The following METTL22 variants were observed in gnomAD, a reference collection of about 807,000 sequenced individuals.
METTL22 encodes methyltransferase 22, Kin17 lysine.
A neutral mutation model predicts 48.4 loss-of-function variants in METTL22; 51 were observed. The ratio of observed to expected loss-of-function variants is 1.05; its 90% CI spans 0.84 to 1.33. The LOEUF is 1.33. Among genes scored for constraint, METTL22 ranks in the 40% most tolerant of loss-of-function variants. METTL22 has a pLI of 0.00. For missense variants in METTL22, 678 were observed against 526.9 expected (o/e 1.29, Z -2.81); for synonymous variants, 255 against 214.1 (o/e 1.19, Z -1.67).
chr16:8,634,846 C>T (rs976297802), intron 3 of METTL22, among the ~76,000 whole-genome samples, 193 bp from the exon 4 acceptor site: 3 of 152,206 alleles, frequency 2.0e-5, no homozygotes, highest in Non-Finnish European at 4.4e-5. Context: ...AAGCTCCCAT[C>T]CTCTGAGTGG....
chr16:8,649,823 AAAAC>A (rs1031319831), downstream of METTL22, among the ~76,000 whole-genome samples: 43 of 302 alleles, frequency 0.14, no homozygotes, highest in South Asian at 0.5. Flanking sequence ...TTAAAAAAAA[AAAAC>A]CATTAGTGAA....
chr16:8,636,327 G>A (rs1019715474), intron 5 of METTL22, among the ~76,000 whole-genome samples: 3 of 152,146 alleles, frequency 2.0e-5, no homozygotes, highest in African/African-American at 7.2e-5. Context: ...CTGAGGTCAG[G>A]AGTTTGAGAA....
intron 3 of METTL22, among the ~76,000 whole-genome samples, chr16:8,630,751 T>C (rs1345527029): frequency 6.6e-6 from 1 of 152,190 alleles, no homozygotes; most frequent in African/African-American, 2.4e-5. Flanking sequence ...GACCTCACGG[T>C]GAGGCCCCCT....
intron 3 of METTL22, among the ~76,000 whole-genome samples, chr16:8,630,716 G>T (rs1282797281): frequency 6.6e-6 from 1 of 152,116 alleles, no homozygotes; most frequent in Admixed American, 6.5e-5. Context: ...CCTGTGACCA[G>T]CTTCCCCTCC....
Position 8,646,185 on chromosome 16 carries a change from A to G in METTL22, c.*42A>G. 6 of 1,610,220 alleles carry G rather than the reference A, an allele frequency of 3.7e-6. No homozygotes were observed. Among genetic ancestry groups the G allele is most frequent in the Non-Finnish European group, 4.2e-6 (5 of 1,177,006 alleles). On this transcript the variant is annotated 3_prime_UTR_variant, in exon 11 of 11. Transcript: ENST00000381920. Reference sequence around the variant, plus strand: ...GGCGCGGCGTCTCGACTGTTCTTAGAGTGTATTTCTAGTAAAATCAGAAGC... The same window carrying G: ...GGCGCGGCGTCTCGACTGTTCTTAGGGTGTATTTCTAGTAAAATCAGAAGC...
At chr16:8,658,965 C>A in the METTL22 span, among the ~76,000 whole-genome samples, 11 of 152,178 alleles carry the variant, frequency 7.2e-5, no homozygotes, top group African/African-American at 2.6e-4. Flanking sequence ...TCTCAAACCA[C>A]CCACCCAGCC....
At position 8,646,157 on chromosome 16, in the gene METTL22, C is replaced by G; in HGVS notation, c.*14C>G. 6.2e-7 allele frequency: 1 copy of G among 1,614,034 alleles called. No homozygotes were observed. Among genetic ancestry groups the G allele is most frequent in the East Asian group, 2.2e-5 (1 of 44,882 alleles). On this transcript the variant is annotated 3_prime_UTR_variant, in exon 11 of 11. Coordinates refer to ENST00000381920, the MANE Select transcript of METTL22 (RefSeq NM_024109.4). ...CCAGTAACATGACCCATCGCCTCCA[C>G]AAGGCGCGGCGTCTCGACTGTTCTT...
the METTL22 span, among the ~76,000 whole-genome samples, chr16:8,658,530 GT>G: frequency 6.6e-6 from 1 of 152,180 alleles, no homozygotes; most frequent in Non-Finnish European, 1.5e-5. Context: ...CTGAAGCCCG[GT>G]TGCTCCTCGG....
chr16:8,663,225 A>AAAAAT, the METTL22 span, among the ~76,000 whole-genome samples: 68 of 123,432 alleles, frequency 5.5e-4, 10 homozygotes, highest in East Asian at 7.2e-4. Context: ...AAAAAAAAAA[A>AAAAAT]GGTAGCCAAG....
chr16:8,647,052 T>A lies in METTL22; in HGVS notation c.*909T>A, dbSNP rs1474460796. On this transcript the variant is annotated 3_prime_UTR_variant, in exon 11 of 11. Transcript: ENST00000381920. ...CCTGCCTTGCTGCTGCCGCACACTT[T>A]GCACCAGGGCCTTTCATGGCCCCTT... The A allele has an allele frequency of 3.7e-6, 1 of 271,970 alleles. No individual in the cohort carries two copies. Among genetic ancestry groups the A allele is most frequent in the Non-Finnish European group, 7.3e-6 (1 of 137,866 alleles). The allele number at this position is 271,970 out of a possible 1,614,324, so 16.8% of individuals were successfully genotyped here.
At chr16:8,652,347 T>G (rs1364649699), downstream of METTL22, among the ~76,000 whole-genome samples, 1 of 151,292 alleles carries the variant, frequency 6.6e-6, no homozygotes, top group Non-Finnish European at 1.5e-5. Context: ...TAATCCCAGC[T>G]ACTCAGGAGG....
At chr16:8,644,512 C>G (rs377339660) in intron 9 of METTL22, 45 bp from the exon 10 acceptor site, 2 of 1,505,068 alleles carry the variant, frequency 1.3e-6, no homozygotes, top group Admixed American at 2.1e-5. Flanking sequence ...CAAAACCCTT[C>G]CCATTGATGA....
chr16:8,644,413 A>T, intron 9 of METTL22, 144 bp from the exon 10 acceptor site: 1 of 750,948 alleles, frequency 1.3e-6, no homozygotes, highest in Admixed American at 2.8e-5. Flanking sequence ...TTGCACTCAC[A>T]CACTCAGCAT....
intron 3 of METTL22, chr16:8,632,088 T>C (rs1230001412): frequency 1.3e-5 from 2 of 152,178 alleles, no homozygotes; most frequent in Admixed American, 1.3e-4. Flanking sequence ...TCGGAATCTC[T>C]GCACTCCGGA....
downstream of METTL22, among the ~76,000 whole-genome samples, chr16:8,653,690 A>T (rs1180377194): frequency 6.6e-6 from 1 of 152,192 alleles, no homozygotes; most frequent in Non-Finnish European, 1.5e-5. Flanking sequence ...CTGAGTGGTA[A>T]TGATTAAAAT....
intron 5 of METTL22, 96 bp from the exon 6 acceptor site, chr16:8,638,995 G>C (rs2056508474): frequency 8.3e-7 from 1 of 1,203,980 alleles, no homozygotes. Flanking sequence ...AATTTCTGCA[G>C]TTGTGCTGTT....
the METTL22 span, among the ~76,000 whole-genome samples, chr16:8,663,899 G>A: frequency 6.6e-6 from 1 of 152,100 alleles, no homozygotes; most frequent in African/African-American, 2.4e-5. Flanking sequence ...CCTATGCATT[G>A]TAGAGCATTC....
At chr16:8,642,691 G>A (rs2141803039) in intron 9 of METTL22, 126 bp downstream of exon 9, 2 of 891,802 alleles carry the variant, frequency 2.2e-6, no homozygotes, top group East Asian at 4.8e-5. Flanking sequence ...CACCTACTAT[G>A]TGCCAGGTCT....
downstream of METTL22, among the ~76,000 whole-genome samples, chr16:8,653,319 G>A (rs1013529030): frequency 1.3e-5 from 2 of 152,192 alleles, no homozygotes; most frequent in African/African-American, 4.8e-5. Flanking sequence ...ATTTTAGGGG[G>A]CAAGATCAGC....
Sources: gnomAD v4.1 joint callset for allele counts (sites outside exome capture counted in the v4.1 genomes callset) on GRCh38, gnomAD v4.1.1 for gene constraint, MANE v1.5 for transcripts, NCBI Gene and HGNC (gene_info 2026-07-23, HGNC 2026-07-21) for gene names.